The following ZC3H3 variants were observed in gnomAD, a reference collection of about 807,000 sequenced individuals.
The protein encoded by ZC3H3 is zinc finger CCCH domain-containing protein 3.
ZC3H3 carries 36 observed loss-of-function variants against 77.3 expected under a neutral mutation model. The ratio of observed to expected loss-of-function variants is 0.47; its 90% CI spans 0.36 to 0.61. The LOEUF is 0.61. ZC3H3 is among the 20% of genes least tolerant of loss of function. ZC3H3 has a pLI of 0.00. For missense variants in ZC3H3, 1,331 were observed against 1,312.2 expected (o/e 1.01, Z -0.22); for synonymous variants, 626 against 555.2 (o/e 1.13, Z -1.79).
rs777677101 is a variant in ZC3H3 at position 143,440,160 on chromosome 8, G to C, written c.2696C>G (p.Ala899Gly). 1.1e-5 allele frequency: 17 copies of C among 1,612,016 alleles called. No individual in the cohort carries two copies. The highest frequency in any genetic ancestry group is 1.4e-5 in the Non-Finnish European group (17 of 1,179,732). The change falls in exon 11 of 12, where the codon GCA (alanine) becomes GGA (glycine). Residue 899 changes from alanine (A) to glycine (G), a missense_variant. By Grantham distance (60) the Ala-to-Gly change is moderately conservative (BLOSUM62 0). Transcript: ENST00000262577. ...GCAGAGCCTGTTGGAGCACGCTGCT[G>C]CTAAGGCAGCCTCCTGGAGAGATGG... is the stretch of plus-strand genomic sequence containing the variant. ...EAPSLQEAAL[A>G]AACSNRLCKL...
At chr8:143,481,245 G>C (rs927867486) in intron 4 of ZC3H3, among the ~76,000 whole-genome samples, 2 of 152,194 alleles carry the variant, frequency 1.3e-5, no homozygotes, top group Non-Finnish European at 2.9e-5. Context: ...GCTACACAAA[G>C]GCCAACACAG....
At chr8:143,464,197 G>A (rs1020801098) in intron 9 of ZC3H3, among the ~76,000 whole-genome samples, 8 of 152,264 alleles carry the variant, frequency 5.3e-5, no homozygotes, top group African/African-American at 1.4e-4. Context: ...CGGGCGCCGC[G>A]GCGCGGACAC....
chr8:143,512,969 G>C (rs1341775658), intron 3 of ZC3H3, among the ~76,000 whole-genome samples: 1 of 152,142 alleles, frequency 6.6e-6, no homozygotes, highest in Admixed American at 6.5e-5. Context: ...CCTGAGAGAG[G>C]AGAGAGCAGG....
intron 3 of ZC3H3, among the ~76,000 whole-genome samples, chr8:143,531,855 C>T (rs1049213290): frequency 6.6e-6 from 1 of 152,208 alleles, no homozygotes; most frequent in South Asian, 2.1e-4. Context: ...TGACCTCTTT[C>T]GCACGGGTAA....
intron 5 of ZC3H3, among the ~76,000 whole-genome samples, chr8:143,474,520 G>T (rs12544706): frequency 1.3e-4 from 20 of 152,118 alleles, no homozygotes; most frequent in Non-Finnish European, 2.2e-4. Flanking sequence ...ATGGATGCTA[G>T]GAACACAGCC....
In ZC3H3 at chr8:143,460,279, A is replaced by AATAT. The variant is rs1440877039; in HGVS notation, c.2307+5437_2307+5438insATAT. Among the ~76,000 whole-genome samples the AATAT allele has an allele frequency of 6.6e-6, 1 of 151,416 alleles. No individual in the cohort carries two copies. The highest frequency in any genetic ancestry group is 1.5e-5 in the Non-Finnish European group (1 of 67,874). Reference sequence around the variant, plus strand: ...AAATAAATAAATAAATAAATAAATAAATAAATAAATAAAAGGCATCCCAAT... The same window carrying AATAT: ...AAATAAATAAATAAATAAATAAATAAATATATAAATAAATAAAAGGCATCCCAAT... On this transcript the variant is annotated intron_variant, in intron 9 of 11. Transcript: ENST00000262577. This position sits in a 1 kb window ranked among gnomAD's most constrained non-coding sequence, Gnocchi z 4.0.
At position 143,512,505 on chromosome 8, in the gene ZC3H3, G is replaced by C. The variant is rs534278725; in HGVS notation, c.1562-4606C>G. Among the ~76,000 whole-genome samples the C allele has an allele frequency of 6.6e-5, 10 of 152,366 alleles. No individual in the cohort carries two copies. In the South Asian group the frequency reaches 1.9e-3, roughly 28 times the overall value. ...CCCAGGTCTCTGGCCCCGGTGCCCTGAGCACGAGGCAGGAGGGGCCGGGCA... is the reference window on the plus strand; with the variant it reads ...CCCAGGTCTCTGGCCCCGGTGCCCTCAGCACGAGGCAGGAGGGGCCGGGCA... On this transcript the variant is annotated intron_variant, in intron 3 of 11. Transcript: ENST00000262577.
rs766540550 is a variant in ZC3H3 at position 143,538,548 on chromosome 8, T to C, written c.819A>G (p.Pro273=). 5.6e-6 allele frequency: 9 copies of C among 1,611,710 alleles called. No homozygotes were observed. The highest frequency in any genetic ancestry group is 7.6e-6 in the Non-Finnish European group (9 of 1,180,020). ...GGCCCCCCACTGAGCCAGACGGAAC[T>C]GGCTGATCTGTGTGGCCAGCATCTA... ...RRVDAGHTDQ[P]VPSGSVGGPA... The change falls in exon 2 of 12, where the codon CCA becomes CCG. Residue 273 remains proline (P), a synonymous_variant. Transcript: ENST00000262577.
intron 4 of ZC3H3, among the ~76,000 whole-genome samples, chr8:143,492,542 C>T (rs1203500432): frequency 6.6e-6 from 1 of 152,234 alleles, no homozygotes; most frequent in Non-Finnish European, 1.5e-5. Context: ...GGACCCAGAG[C>T]CACTGCCAGC....
chr8:143,484,951 CA>C, intron 4 of ZC3H3: 1 of 436,658 alleles, frequency 2.3e-6, no homozygotes, highest in Admixed American at 2.7e-5. Flanking sequence ...GTGGTATCTG[CA>C]AAAACCACGG....
intron 3 of ZC3H3, among the ~76,000 whole-genome samples, chr8:143,531,291 C>G (rs747728417): frequency 1.3e-5 from 2 of 152,174 alleles, no homozygotes; most frequent in Admixed American, 6.5e-5. Flanking sequence ...CAGCTGCCAA[C>G]AGACCCATCC....
chr8:143,457,130 G>A (rs1353053528), intron 9 of ZC3H3, among the ~76,000 whole-genome samples: 2 of 152,150 alleles, frequency 1.3e-5, no homozygotes, highest in Non-Finnish European at 2.9e-5. Context: ...CAACAACAGT[G>A]GGATATACAT....
chr8:143,457,596 G>A (rs931529038), intron 9 of ZC3H3, among the ~76,000 whole-genome samples: 1 of 152,112 alleles, frequency 6.6e-6, no homozygotes, highest in African/African-American at 2.4e-5. Flanking sequence ...GCCAGGTGTG[G>A]TAGCAGGGAC....
At chr8:143,456,891 C>T (rs920959785) in intron 9 of ZC3H3, among the ~76,000 whole-genome samples, 6 of 151,926 alleles carry the variant, frequency 3.9e-5, no homozygotes, top group African/African-American at 9.7e-5. Flanking sequence ...ACAACAACAA[C>T]GAAAAGAATG....
intron 3 of ZC3H3, among the ~76,000 whole-genome samples, chr8:143,529,117 G>GGA (rs1381615397): frequency 6.6e-6 from 1 of 152,204 alleles, no homozygotes; most frequent in East Asian, 1.9e-4. Flanking sequence ...GGTGGGGGAC[G>GGA]GGCCTGGCCA....
chr8:143,439,744 C>T (rs1486151439), intron 11 of ZC3H3, among the ~76,000 whole-genome samples: 1 of 152,252 alleles, frequency 6.6e-6, no homozygotes, highest in East Asian at 1.9e-4. Flanking sequence ...TCACCCAGGC[C>T]CCACCTGGAG....
At chr8:143,496,301 T>G (rs1454562910) in intron 4 of ZC3H3, among the ~76,000 whole-genome samples, 1 of 152,174 alleles carries the variant, frequency 6.6e-6, no homozygotes, top group African/African-American at 2.4e-5. Context: ...TGTGGCTGCA[T>G]GATTCTTGGC....
chr8:143,508,702 G>A (rs1436049480), intron 3 of ZC3H3, among the ~76,000 whole-genome samples: 1 of 152,188 alleles, frequency 6.6e-6, no homozygotes, highest in East Asian at 1.9e-4. Flanking sequence ...AAGGCTCAGG[G>A]GCTGCTGCAA....
intron 4 of ZC3H3, among the ~76,000 whole-genome samples, chr8:143,481,931 G>A (rs1820918701): frequency 2.6e-5 from 4 of 152,234 alleles, no homozygotes; most frequent in Admixed American, 2.0e-4. Context: ...AGAGCCCCAG[G>A]CCGGCACTGA....
Sources: gnomAD v4.1 joint callset for allele counts (sites outside exome capture counted in the v4.1 genomes callset) on GRCh38, gnomAD v4.1.1 for gene constraint, Gnocchi (gnomAD v3.1) non-coding constraint, MANE v1.5 for transcripts, NCBI Gene and HGNC (gene_info 2026-07-23, HGNC 2026-07-21) for gene names.